LHPP: variants seen among roughly 807,000 people sequenced by gnomAD.
The protein encoded by LHPP is hLHPP.
In LHPP, 24 loss-of-function variants were observed where a neutral mutation model predicts 30.3. The ratio of observed to expected loss-of-function variants is 0.79; its 90% CI spans 0.57 to 1.11. The LOEUF is 1.11. Ranked by LOEUF, LHPP falls within the 50% of genes most tolerant of loss-of-function variation. The pLI, the probability that LHPP is intolerant of heterozygous loss-of-function variation, is 0.00. For missense variants in LHPP, 356 were observed against 367.2 expected (o/e 0.97, Z 0.25); for synonymous variants, 150 against 157.1 (o/e 0.95, Z 0.34).
chr10:124,556,855 G>GT (rs1482604467), intron 6 of LHPP, among the ~76,000 whole-genome samples: 1 of 152,086 alleles, frequency 6.6e-6, no homozygotes, highest in Admixed American at 6.5e-5. Context: ...TTTTTTGTAT[G>GT]TTTTTTAAAC....
chr10:124,537,042 G>A (rs1222283752), intron 6 of LHPP, among the ~76,000 whole-genome samples: 2 of 152,230 alleles, frequency 1.3e-5, no homozygotes, highest in African/African-American at 4.8e-5. Flanking sequence ...CACTTAGAAT[G>A]TGCTAGGGAA....
chr10:124,539,735 C>CAAAAAA lies in LHPP; in HGVS notation c.716+22476_716+22481dup, dbSNP rs34308960. ...TGGGCGACAGAGCAAAACCCTGTCT[C>CAAAAAA]AAAAAAAAAAAAAAAAATTAGTCAG... On this transcript the variant is annotated intron_variant, in intron 6 of 6. Transcript: ENST00000368842. Among the ~76,000 whole-genome samples the CAAAAAA allele has an allele frequency of 7.4e-5, 9 of 120,876 alleles. 1 individual carries two copies. The highest frequency in any genetic ancestry group is 1.2e-4 in the Non-Finnish European group (7 of 60,690). The allele number at this position is 120,876 out of a possible 152,430, so 79.3% of individuals were successfully genotyped here. A position where few individuals can be genotyped will look rare whatever the true frequency, so the allele number is the denominator to read the frequency against.
chr10:124,506,263 A>ACCCCCCCCCCCCCCCCC (rs539116106), intron 5 of LHPP, among the ~76,000 whole-genome samples: 4 of 86,332 alleles, frequency 4.6e-5, no homozygotes, highest in Admixed American at 1.3e-4. Context: ...AAAACAACAA[A>ACCCCCCCCCCCCCCCCC]CCCCCCCCCC....
At position 124,540,599 on chromosome 10, in the gene LHPP, C is replaced by T. The variant is rs777555312; in HGVS notation, c.716+23328C>T. Among the ~76,000 whole-genome samples, 58 of 152,310 alleles carry T rather than the reference C, an allele frequency of 3.8e-4. 2 individuals carry two copies. Among genetic ancestry groups the T allele is most frequent in the Admixed American group, 2.0e-3 (30 of 15,300 alleles). ...TTGAGTGACATTTTTGCTGGGGATC[C>T]GGGGCTGCTCGGGGTGGCCTCGCAC... On this transcript the variant is annotated intron_variant, in intron 6 of 6. Transcript: ENST00000368842.
chr10:124,522,570 C>T lies in LHPP; in HGVS notation c.716+5299C>T, dbSNP rs371410177. On this transcript the variant is annotated intron_variant, in intron 6 of 6. Transcript: ENST00000368842. ...GAAGCTGGACTGGAACCTGGCCGCC[C>T]CCAGTCCCCTGGGCGGGTGCTTTTC... Among the ~76,000 whole-genome samples the T allele has an allele frequency of 9.1e-4, 139 of 152,356 alleles. 1 individual carries two copies. The highest frequency in any genetic ancestry group is 3.2e-3 in the African/African-American group (133 of 41,596).
intron 6 of LHPP, among the ~76,000 whole-genome samples, chr10:124,539,498 T>C (rs1955122151): frequency 6.6e-6 from 1 of 152,076 alleles, no homozygotes; most frequent in African/African-American, 2.4e-5. Flanking sequence ...TGGTGGCTCA[T>C]GCTTGTAATC....
chr10:124,490,349 AT>A (rs1953483463), intron 3 of LHPP: 1 of 283,666 alleles, frequency 3.5e-6, no homozygotes. Context: ...AATCGCAGAG[AT>A]TCTGGATCCC....
At chr10:124,524,166 AAAG>A (rs1404703329) in intron 6 of LHPP, among the ~76,000 whole-genome samples, 1 of 152,088 alleles carries the variant, frequency 6.6e-6, no homozygotes, top group African/African-American at 2.4e-5. Context: ...ATCACCCCAA[AAAG>A]AAGCCTCAAA....
At chr10:124,532,903 G>A (rs369941456) in intron 6 of LHPP, among the ~76,000 whole-genome samples, 7 of 152,318 alleles carry the variant, frequency 4.6e-5, no homozygotes, top group Admixed American at 1.3e-4. Flanking sequence ...TCAGGTGCTC[G>A]ACTGGGCTGG....
intron 4 of LHPP, 115 bp from the exon 5 acceptor site, chr10:124,497,921 T>A (rs1430116069): frequency 2.5e-6 from 2 of 809,800 alleles, no homozygotes; most frequent in Admixed American, 2.1e-5. Context: ...CACAGCATCC[T>A]GCTTCTTCAA....
chr10:124,613,363 G>C lies in LHPP; in HGVS notation c.*3G>C. Reference sequence around the variant, plus strand: ...TGCTGCAGCACGCCGACAAGTGATGGCCTCCTGGGAGAGCCCCGCCTCCTC... The same window carrying C: ...TGCTGCAGCACGCCGACAAGTGATGCCCTCCTGGGAGAGCCCCGCCTCCTC... On this transcript the variant is annotated 3_prime_UTR_variant, in exon 7 of 7. Coordinates refer to ENST00000368842, the MANE Select transcript of LHPP (RefSeq NM_022126.4). The C allele has an allele frequency of 6.2e-7, 1 of 1,608,982 alleles. No homozygotes were observed. The highest frequency in any genetic ancestry group is 8.5e-7 in the Non-Finnish European group (1 of 1,177,632).
chr10:124,566,499 C>T (rs1242844572), intron 6 of LHPP, among the ~76,000 whole-genome samples: 3 of 152,168 alleles, frequency 2.0e-5, no homozygotes, highest in African/African-American at 7.2e-5. Context: ...CCTGCTTGGA[C>T]CCACTGGCAG....
intron 5 of LHPP, among the ~76,000 whole-genome samples, chr10:124,516,887 C>T (rs1954468930): frequency 6.6e-6 from 1 of 152,150 alleles, no homozygotes; most frequent in South Asian, 2.1e-4. Flanking sequence ...GGCCAGACAG[C>T]GTTCAGCATC....
Position 124,512,197 on chromosome 10 carries a change from G to A in LHPP, c.625-4983G>A, listed in dbSNP as rs539873908. ...ACTGCCTGGCCTGGCACTGGCCTGC[G>A]AAGGCCTAGGGCAAAGGTATCAAGT... On this transcript the variant is annotated intron_variant, in intron 5 of 6. Transcript: ENST00000368842. Among the ~76,000 whole-genome samples, 83 of 152,314 alleles carry A rather than the reference G, an allele frequency of 5.4e-4. 1 individual carries two copies. The highest frequency in any genetic ancestry group is 6.8e-3 in the Middle Eastern group (2 of 294).
intron 6 of LHPP, among the ~76,000 whole-genome samples, chr10:124,557,750 G>C (rs1364022242): frequency 1.3e-5 from 2 of 152,196 alleles, no homozygotes; most frequent in South Asian, 2.1e-4. Flanking sequence ...AGGCAAGGCT[G>C]GCCAAGCAGG....
At chr10:124,504,820 C>T (rs1954013655) in intron 5 of LHPP, among the ~76,000 whole-genome samples, 2 of 152,090 alleles carry the variant, frequency 1.3e-5, no homozygotes, top group South Asian at 2.1e-4. Flanking sequence ...AGATACAGCC[C>T]ACCTCACCGC....
At chr10:124,525,092 A>G (rs781602093) in intron 6 of LHPP, among the ~76,000 whole-genome samples, 2 of 152,114 alleles carry the variant, frequency 1.3e-5, no homozygotes, top group Non-Finnish European at 2.9e-5. Flanking sequence ...CTTCTCCCAC[A>G]TGGCTGGCTT....
chr10:124,471,187 G>A (rs1952720520), intron 1 of LHPP, among the ~76,000 whole-genome samples: 1 of 151,172 alleles, frequency 6.6e-6, no homozygotes, highest in Non-Finnish European at 1.5e-5. Context: ...AGCCTTCCCT[G>A]ACTCTTGTCC....
chr10:124,467,825 C>T (rs533705213), intron 1 of LHPP, among the ~76,000 whole-genome samples: 1 of 152,224 alleles, frequency 6.6e-6, no homozygotes, highest in South Asian at 2.1e-4. Flanking sequence ...AAGGGATTCT[C>T]CTGCCTCAGA....
Sources: allele counts gnomAD v4.1 joint callset (sites outside exome capture counted in the v4.1 genomes callset), GRCh38; gene constraint gnomAD v4.1.1; transcripts MANE v1.5; gene names NCBI Gene and HGNC (gene_info 2026-07-23, HGNC 2026-07-21).